Variants in NRXN1 observed in about 807,000 individuals in gnomAD.
NRXN1 encodes neurexin 1, also known as neurexin-1.
Under a neutral mutation model 150.9 loss-of-function variants are expected in NRXN1, and 39 were observed. The ratio of observed to expected loss-of-function variants is 0.26; its 90% CI spans 0.20 to 0.34. The LOEUF (loss-of-function observed/expected upper bound fraction) is 0.34. Among genes scored for constraint, NRXN1 ranks in the 10% least tolerant of loss-of-function variants. The pLI is 1.00. For missense variants in NRXN1, 1,815 were observed against 1,949.9 expected, an observed-to-expected ratio of 0.93 and a Z score of 1.30; for synonymous variants, 924 against 757.0, an observed-to-expected ratio of 1.22 and a Z score of -3.62.
intron 5 of NRXN1, among the ~76,000 whole-genome samples, chr2:50,841,610 G>C (rs910545243): frequency 2.6e-5 from 4 of 152,158 alleles, no homozygotes; most frequent in African/African-American, 4.8e-5. Context: ...TAGAGTGCTT[G>C]TTTCTGGCAA....
chr2:50,800,386 T>C (rs1001418609), intron 5 of NRXN1, among the ~76,000 whole-genome samples: 4 of 152,182 alleles, frequency 2.6e-5, no homozygotes, highest in Admixed American at 1.3e-4. Flanking sequence ...GTACGTTTCA[T>C]AATTTGAAAA....
chr2:50,584,850 A>G (rs1044864626), intron 8 of NRXN1, among the ~76,000 whole-genome samples: 1 of 152,210 alleles, frequency 6.6e-6, no homozygotes, highest in African/African-American at 2.4e-5. Context: ...GAAATATGAG[A>G]ATCTCAGCCC....
rs768120847 is a variant in NRXN1 at position 50,742,822 on chromosome 2, A to G, written c.833-119207T>C. Among the ~76,000 whole-genome samples, 7 of 152,126 alleles carry G rather than the reference A, an allele frequency of 4.6e-5. 1 individual carries two copies. The highest frequency in any genetic ancestry group is 8.8e-5 in the Non-Finnish European group (6 of 68,024). ...ATTCTAACACTCAGTCATATAGACA[A>G]TAACTTCAGGAAATATTCTCCACAA... is the stretch of plus-strand genomic sequence containing the variant. On this transcript the variant is annotated intron_variant, in intron 5 of 22. Coordinates refer to ENST00000401669, the MANE Select transcript of NRXN1 (RefSeq NM_001330078.2).
intron 15 of NRXN1, among the ~76,000 whole-genome samples, chr2:50,485,668 C>G (rs1422129871): frequency 6.6e-6 from 1 of 152,194 alleles, no homozygotes; most frequent in Non-Finnish European, 1.5e-5. Context: ...GCAAGCTGGG[C>G]AGGACTGCCT....
rs1275074112 is a variant in NRXN1, at chr2:50,209,852, AGCC to A, written c.3546+26934_3546+26936del. ...AGATTTAAATCTCAGTTGTACTTAA[AGCC>A]TCTGCAATAATTCACTTTGTAACCA... On this transcript the variant is annotated intron_variant, in intron 18 of 22. Coordinates refer to ENST00000401669, the MANE Select transcript of NRXN1 (RefSeq NM_001330078.2). Among the ~76,000 whole-genome samples, 1,220 of 151,844 alleles carry A rather than the reference AGCC, an allele frequency of 8.0e-3. 21 individuals carry two copies. The highest frequency in any genetic ancestry group is 0.028 in the African/African-American group (1,153 of 41,438).
At chr2:50,253,280 G>A (rs1417381890) in intron 17 of NRXN1, among the ~76,000 whole-genome samples, 1 of 152,146 alleles carries the variant, frequency 6.6e-6, no homozygotes, top group Non-Finnish European at 1.5e-5. Flanking sequence ...AGACTTTGCT[G>A]AAGTTGTTTA....
chr2:50,901,060 C>T (rs534140019), intron 5 of NRXN1, among the ~76,000 whole-genome samples: 1 of 152,246 alleles, frequency 6.6e-6, no homozygotes, highest in South Asian at 2.1e-4. Flanking sequence ...GAAGGTATCA[C>T]TATCTGACAC....
intron 5 of NRXN1, among the ~76,000 whole-genome samples, chr2:50,827,535 GACTT>G (rs141270374): frequency 0.088 from 13,325 of 152,082 alleles, 677 homozygotes; most frequent in Admixed American, 0.092. Context: ...CTCTTTTAAA[GACTT>G]ACTTTCAAAT....
intron 17 of NRXN1, among the ~76,000 whole-genome samples, chr2:50,304,243 A>C (rs2074415235): frequency 6.6e-6 from 1 of 152,186 alleles, no homozygotes; most frequent in Non-Finnish European, 1.5e-5. Context: ...AAATGTACCC[A>C]GAACTGTGCA....
At chr2:50,559,106 A>T (rs1403991693) in intron 8 of NRXN1, among the ~76,000 whole-genome samples, 1 of 152,112 alleles carries the variant, frequency 6.6e-6, no homozygotes, top group Non-Finnish European at 1.5e-5. Flanking sequence ...TAAATAAATA[A>T]ATATCAAGTG....
At chr2:50,583,092 C>A (rs1573643776) in intron 8 of NRXN1, among the ~76,000 whole-genome samples, 1 of 151,866 alleles carries the variant, frequency 6.6e-6, no homozygotes, top group South Asian at 2.1e-4. Flanking sequence ...CCGCTGTTAC[C>A]CAGGCTGCAA....
chr2:50,069,436 T>C (rs1295678901), intron 19 of NRXN1, among the ~76,000 whole-genome samples: 2 of 152,188 alleles, frequency 1.3e-5, no homozygotes, highest in Non-Finnish European at 2.9e-5. Context: ...ACATGGTGAT[T>C]GTGGATTTTC....
intron 19 of NRXN1, among the ~76,000 whole-genome samples, chr2:50,055,425 T>G (rs1693448276): frequency 6.6e-6 from 1 of 152,192 alleles, no homozygotes; most frequent in Non-Finnish European, 1.5e-5. Flanking sequence ...GAAACAGGTT[T>G]AAGTTTTCAA....
intron 18 of NRXN1, among the ~76,000 whole-genome samples, chr2:50,226,099 C>T (rs2064346656): frequency 6.6e-6 from 1 of 151,996 alleles, no homozygotes; most frequent in African/African-American, 2.4e-5. Context: ...ATTTAGGAGT[C>T]AGACTGACTG....
chr2:50,296,051 G>A (rs1275069856), intron 17 of NRXN1, among the ~76,000 whole-genome samples: 2 of 152,160 alleles, frequency 1.3e-5, no homozygotes, highest in Non-Finnish European at 2.9e-5. Flanking sequence ...GTGCAGACTA[G>A]GTGAATTTCC....
At chr2:50,635,085 G>C (rs1254642302) in intron 5 of NRXN1, among the ~76,000 whole-genome samples, 1 of 152,128 alleles carries the variant, frequency 6.6e-6, no homozygotes, top group African/African-American at 2.4e-5. Context: ...TCAAGCCAAA[G>C]ACTCAAAGGG....
chr2:50,953,651 C>T (rs1162184457), intron 2 of NRXN1, among the ~76,000 whole-genome samples: 1 of 151,694 alleles, frequency 6.6e-6, no homozygotes, highest in African/African-American at 2.4e-5. Flanking sequence ...CTGCCGCTGC[C>T]TCCCAGGTTC....
In NRXN1 at chr2:50,092,545, C is replaced by T. The variant is rs566736855; in HGVS notation, c.3547-1051G>A. 8.1e-4 allele frequency among the ~76,000 whole-genome samples: 124 copies of T among 152,160 alleles called. 1 individual carries two copies. Among genetic ancestry groups the T allele is most frequent in the Non-Finnish European group, 1.4e-3 (93 of 68,028 alleles). On this transcript the variant is annotated intron_variant, in intron 18 of 22. Transcript: ENST00000401669. ...AGAAGGGTTTAAAGTACACACAGTCCATCCTTTCCTGTAGAAGTTTTAAAT... is the reference window on the plus strand; with the variant it reads ...AGAAGGGTTTAAAGTACACACAGTCTATCCTTTCCTGTAGAAGTTTTAAAT...
intron 22 of NRXN1, among the ~76,000 whole-genome samples, chr2:49,938,597 G>A (rs1671445287): frequency 1.3e-5 from 2 of 152,070 alleles, no homozygotes; most frequent in African/African-American, 2.4e-5. Flanking sequence ...AAGTTTAATT[G>A]ATTTGAGAGT....
Sources: allele counts gnomAD v4.1 joint callset (sites outside exome capture counted in the v4.1 genomes callset), GRCh38; gene constraint gnomAD v4.1.1; transcripts MANE v1.5; gene names NCBI Gene and HGNC (gene_info 2026-07-23, HGNC 2026-07-21).